The following PRKD1 variants were observed in gnomAD, a reference collection of about 807,000 sequenced individuals.
PRKD1 encodes the protein protein kinase D1.
Under a neutral mutation model 95.9 loss-of-function variants are expected in PRKD1, and 63 were observed. That is an observed-to-expected ratio of 0.66 (90% CI 0.54 to 0.81). The LOEUF is 0.81. Ranked by LOEUF, PRKD1 falls within the 30% of genes least tolerant of loss-of-function variation. PRKD1 has a pLI of 0.00. For synonymous variants in PRKD1, 425 were observed against 423.1 expected (o/e 1.00, Z -0.05); for missense variants, 1,048 against 1,165.3 (o/e 0.90, Z 1.47).
intron 4 of PRKD1, among the ~76,000 whole-genome samples, chr14:29,645,312 A>G (rs569360702): frequency 6.6e-6 from 1 of 152,264 alleles, no homozygotes; most frequent in South Asian, 2.1e-4. Context: ...CTGTGCTTAG[A>G]TGATAGGACC....
At chr14:29,903,009 G>T (rs1048547676) in intron 1 of PRKD1, among the ~76,000 whole-genome samples, 1 of 152,118 alleles carries the variant, frequency 6.6e-6, no homozygotes, top group Non-Finnish European at 1.5e-5. Context: ...CTATATTCCT[G>T]CCCTTTGGGC....
chr14:29,611,822 T>C (rs1878491520), intron 13 of PRKD1, among the ~76,000 whole-genome samples: 1 of 149,138 alleles, frequency 6.7e-6, no homozygotes, highest in Non-Finnish European at 1.5e-5. Context: ...ATGGAGCAAA[T>C]ATCTGGATTT....
intron 1 of PRKD1, among the ~76,000 whole-genome samples, chr14:29,902,598 T>C (rs1306009570): frequency 6.6e-6 from 1 of 152,222 alleles, no homozygotes; most frequent in Non-Finnish European, 1.5e-5. Flanking sequence ...GAGATATTAT[T>C]CTGAAAGTGC....
intron 14 of PRKD1, among the ~76,000 whole-genome samples, chr14:29,599,374 C>G (rs550957393): frequency 6.6e-6 from 1 of 152,190 alleles, no homozygotes; most frequent in Non-Finnish European, 1.5e-5. Context: ...GACACCCATT[C>G]TTAAATATTC....
chr14:29,927,382 G>T lies in PRKD1; in HGVS notation c.131C>A (p.Ala44Asp), dbSNP rs762581027. ...ATGGAACGAGATGCCCCCGACCGGG[G>T]CCGCGACAGGAGCCAAGAACGGCGC... ...GPAPFLAPVAAPVGGISFHLQ... is the reference protein window; with the variant it reads ...GPAPFLAPVADPVGGISFHLQ... The change falls in exon 1 of 18, where the codon GCC becomes GAC. Residue 44 changes from alanine to aspartate, a missense_variant. Physicochemically the swap from Ala to Asp is moderately radical, Grantham distance 126. Transcript: ENST00000331968. 6.4e-7 allele frequency: 1 copy of T among 1,554,386 alleles called. No individual in the cohort carries two copies. Among genetic ancestry groups the T allele is most frequent in the South Asian group, 1.2e-5 (1 of 84,790 alleles).
At chr14:29,791,951 T>A (rs1889564840) in intron 1 of PRKD1, among the ~76,000 whole-genome samples, 1 of 152,144 alleles carries the variant, frequency 6.6e-6, no homozygotes, top group Non-Finnish European at 1.5e-5. Flanking sequence ...TTGTATGTTC[T>A]CACCAGCAGT....
chr14:29,887,299 AG>A (rs1292859291), intron 1 of PRKD1, among the ~76,000 whole-genome samples: 1 of 152,198 alleles, frequency 6.6e-6, no homozygotes, highest in Non-Finnish European at 1.5e-5. Context: ...TCAAGTCTAG[AG>A]GTGTGACAGG....
At chr14:29,581,829 G>C (rs1892766614) in intron 16 of PRKD1, among the ~76,000 whole-genome samples, 1 of 152,090 alleles carries the variant, frequency 6.6e-6, no homozygotes. Flanking sequence ...CATCTGCTAT[G>C]TATTAATACA....
intron 1 of PRKD1, among the ~76,000 whole-genome samples, chr14:29,852,987 T>A (rs1236158798): frequency 6.6e-6 from 1 of 152,170 alleles, no homozygotes. Context: ...TCCGTCTACA[T>A]GAGACTCACT....
In PRKD1 at chr14:29,927,610, G is replaced by A. The variant is rs2036370783; in HGVS notation, c.-98C>T. The A allele has an allele frequency of 1.1e-6, 1 of 950,724 alleles. No individual in the cohort carries two copies. The highest frequency in any genetic ancestry group is 1.3e-6 in the Non-Finnish European group (1 of 779,196). The allele number at this position is 950,724 out of a possible 1,614,324, so 58.9% of individuals were successfully genotyped here. A position where few individuals can be genotyped will look rare whatever the true frequency, so the allele number is the denominator to read the frequency against. ...CGCTGAGCCAGGAGCTTCTTTCTCC[G>A]AGAGCCCAGACGGAAAATAAAAACT... On this transcript the variant is annotated 5_prime_UTR_variant, in exon 1 of 18. Coordinates refer to ENST00000331968, the MANE Select transcript of PRKD1 (RefSeq NM_002742.3).
At chr14:29,807,056 C>T (rs963025983) in intron 1 of PRKD1, among the ~76,000 whole-genome samples, 4 of 151,972 alleles carry the variant, frequency 2.6e-5, no homozygotes, top group Non-Finnish European at 4.4e-5. Context: ...AAAAAAAATA[C>T]TTTATTGCTA....
chr14:29,685,868 T>C (rs1883835515), intron 2 of PRKD1, among the ~76,000 whole-genome samples: 1 of 152,180 alleles, frequency 6.6e-6, no homozygotes, highest in African/African-American at 2.4e-5. Flanking sequence ...CATCAGCATT[T>C]AGTTTTAGAA....
At chr14:29,684,402 G>A (rs1041359988) in intron 2 of PRKD1, among the ~76,000 whole-genome samples, 3 of 152,216 alleles carry the variant, frequency 2.0e-5, no homozygotes, top group Middle Eastern at 3.4e-3. Flanking sequence ...TTAGTTATAT[G>A]TCATGTCCTA....
At chr14:29,920,051 AGG>A in intron 1 of PRKD1, among the ~76,000 whole-genome samples, 2 of 138,274 alleles carry the variant, frequency 1.4e-5, no homozygotes, top group South Asian at 2.4e-4. Flanking sequence ...GAAGGAAGGA[AGG>A]AAGGAAGGAA....
intron 1 of PRKD1, among the ~76,000 whole-genome samples, chr14:29,774,887 G>A (rs990819039): frequency 6.6e-6 from 1 of 152,154 alleles, no homozygotes; most frequent in Non-Finnish European, 1.5e-5. Flanking sequence ...GATAATAGTG[G>A]TGCTTTATGA....
Position 29,632,863 on chromosome 14 carries a change from T to C in PRKD1, c.1392+6A>G, listed in dbSNP as rs200000096. ...ATGAAACTACAAAGAAAGAGCCCAC[T>C]CTTACCTTGTAGTACCTGCTTCCTG... is the stretch of plus-strand genomic sequence containing the variant. On this transcript the variant is annotated splice_donor_region_variant and intron_variant, in intron 9 of 17. Coordinates refer to ENST00000331968, the MANE Select transcript of PRKD1 (RefSeq NM_002742.3). 3.1e-4 allele frequency: 496 copies of C among 1,604,538 alleles called. 2 individuals carry two copies. In the African/African-American group the frequency reaches 5.6e-3, roughly 18 times the overall value.
chr14:29,636,227 G>T (rs1385953574), intron 7 of PRKD1, 63 bp downstream of exon 7: 2 of 1,565,114 alleles, frequency 1.3e-6, no homozygotes, highest in South Asian at 1.1e-5. Context: ...TATCAAAGAG[G>T]TTTAAAGAGA....
intron 8 of PRKD1, among the ~76,000 whole-genome samples, chr14:29,634,038 A>G (rs1443626405): frequency 6.6e-6 from 1 of 152,228 alleles, no homozygotes; most frequent in African/African-American, 2.4e-5. Flanking sequence ...GGACTTACGA[A>G]GTATAAGATA....
chr14:29,853,472 A>G (rs577632288), intron 1 of PRKD1, among the ~76,000 whole-genome samples: 5 of 152,304 alleles, frequency 3.3e-5, no homozygotes, highest in South Asian at 4.1e-4. Flanking sequence ...TTTAGCTTTA[A>G]TTTATAAACT....
Sources: gnomAD v4.1 joint callset for allele counts (sites outside exome capture counted in the v4.1 genomes callset) on GRCh38, gnomAD v4.1.1 for gene constraint, MANE v1.5 for transcripts, NCBI Gene and HGNC (gene_info 2026-07-23, HGNC 2026-07-21) for gene names.